The following KIAA0930 variants were observed in gnomAD, a reference collection of about 807,000 sequenced individuals.
KIAA0930 encodes the protein uncharacterized protein KIAA0930.
A neutral mutation model predicts 43.9 loss-of-function variants in KIAA0930; 24 were observed. The observed-to-expected ratio is 0.55, with a 90% CI of 0.40 to 0.77. The LOEUF is 0.77. Ranked by LOEUF, KIAA0930 falls within the 30% of genes least tolerant of loss-of-function variation. The pLI is 0.00. For missense variants in KIAA0930, 461 were observed against 574.2 expected, an observed-to-expected ratio of 0.80 and a Z score of 2.02; for synonymous variants, 259 against 216.4, an observed-to-expected ratio of 1.20 and a Z score of -1.73.
At chr22:45,229,055 A>T (rs1254905388) in intron 1 of KIAA0930, among the ~76,000 whole-genome samples, 1 of 20,474 alleles carries the variant, frequency 4.9e-5, no homozygotes, top group African/African-American at 2.0e-4. Flanking sequence ...CCACCACCAA[A>T]CACTCACCCG....
At chr22:45,205,426 G>C in intron 4 of KIAA0930, 108 bp from the exon 5 acceptor site, 1 of 1,009,380 alleles carries the variant, frequency 9.9e-7, no homozygotes, top group Non-Finnish European at 1.5e-6. Flanking sequence ...CCAGTCCAAA[G>C]CCAGAGACCT....
chr22:45,199,020 G>T (rs2083562202), intron 8 of KIAA0930, among the ~76,000 whole-genome samples: 1 of 152,202 alleles, frequency 6.6e-6, no homozygotes, highest in African/African-American at 2.4e-5. Flanking sequence ...GGGTCCTGAG[G>T]ATGACAGTGA....
chr22:45,207,485 AT>A (rs34108837), intron 2 of KIAA0930: 70,200 of 137,608 alleles, frequency 0.51, 17,746 homozygotes, highest in South Asian at 0.64. Context: ...ACCACACGTA[AT>A]TTTTTTTTTT....
At chr22:45,205,985 AG>A in intron 2 of KIAA0930, 73 bp from the exon 3 acceptor site, 1 of 1,575,856 alleles carries the variant, frequency 6.3e-7, no homozygotes, top group Non-Finnish European at 8.6e-7. Context: ...ACTACTATGC[AG>A]GCATTACGAT....
At chr22:45,209,904 C>T (rs1433222367) in intron 2 of KIAA0930, among the ~76,000 whole-genome samples, 1 of 152,208 alleles carries the variant, frequency 6.6e-6, no homozygotes, top group Non-Finnish European at 1.5e-5. Flanking sequence ...ATCCCCTCTG[C>T]TCCAAATTCC....
At chr22:45,224,780 ATGAG>A (rs2083788557) in intron 1 of KIAA0930, among the ~76,000 whole-genome samples, 1 of 152,156 alleles carries the variant, frequency 6.6e-6, no homozygotes, top group African/African-American at 2.4e-5. Flanking sequence ...TTGGGGGAAG[ATGAG>A]TGAGGCCAGG....
chr22:45,201,560 G>A (rs1333161439), intron 7 of KIAA0930, among the ~76,000 whole-genome samples: 1 of 152,196 alleles, frequency 6.6e-6, no homozygotes, highest in Non-Finnish European at 1.5e-5. Context: ...TTTTGTCAGA[G>A]TCCCAGGGCA....
intron 7 of KIAA0930, among the ~76,000 whole-genome samples, chr22:45,201,183 C>G (rs1344187129): frequency 2.6e-5 from 4 of 152,222 alleles, no homozygotes; most frequent in Non-Finnish European, 5.9e-5. Flanking sequence ...ATAAAAGAAA[C>G]AAACAGCAGC....
chr22:45,197,257 C>G, intron 9 of KIAA0930, 41 bp from the exon 10 acceptor site: 1 of 1,535,886 alleles, frequency 6.5e-7, no homozygotes, highest in Non-Finnish European at 8.8e-7. Context: ...CAGTAACCCT[C>G]AACAGCGGTG....
chr22:45,222,151 CCAAAATA>C (rs1438371914), intron 1 of KIAA0930, among the ~76,000 whole-genome samples: 1 of 151,846 alleles, frequency 6.6e-6, no homozygotes, highest in Non-Finnish European at 1.5e-5. Context: ...CCTGCTCAAG[CCAAAATA>C]AATTCCAAAA....
intron 1 of KIAA0930, among the ~76,000 whole-genome samples, chr22:45,225,757 C>T (rs1174838716): frequency 6.6e-6 from 1 of 152,244 alleles, no homozygotes; most frequent in East Asian, 1.9e-4. Flanking sequence ...CCAGCTGGGG[C>T]CCTGCAAGAC....
chr22:45,233,516 G>A (rs182750887), intron 1 of KIAA0930, among the ~76,000 whole-genome samples: 2 of 152,174 alleles, frequency 1.3e-5, no homozygotes, highest in African/African-American at 2.4e-5. Context: ...CCAGAGGCGG[G>A]CATCACCTGG....
intron 1 of KIAA0930, among the ~76,000 whole-genome samples, chr22:45,223,690 G>A (rs958450458): frequency 2.0e-5 from 3 of 151,564 alleles, no homozygotes; most frequent in Admixed American, 1.3e-4. Flanking sequence ...CCAGCACCCA[G>A]GGTCAGCACT....
intron 1 of KIAA0930, among the ~76,000 whole-genome samples, chr22:45,215,664 G>T (rs2083727389): frequency 6.6e-6 from 1 of 152,178 alleles, no homozygotes; most frequent in Non-Finnish European, 1.5e-5. Context: ...GGGAATACGT[G>T]TAATACGATG....
chr22:45,228,774 TC>T (rs1221394145), intron 1 of KIAA0930, among the ~76,000 whole-genome samples: 58 of 1,522 alleles, frequency 0.038, 1 homozygote, highest in Non-Finnish European at 0.061. Context: ...TCCCTCCCCA[TC>T]CCCCCCAACC....
At chr22:45,199,246 G>A (rs575705425) in intron 8 of KIAA0930, among the ~76,000 whole-genome samples, 67 of 152,336 alleles carry the variant, frequency 4.4e-4, no homozygotes, top group African/African-American at 1.5e-3. Flanking sequence ...CACTGAGCGA[G>A]GACAGGGAGC....
At chr22:45,217,322 C>T (rs1192560593) in intron 1 of KIAA0930, among the ~76,000 whole-genome samples, 1 of 140,142 alleles carries the variant, frequency 7.1e-6, no homozygotes, top group African/African-American at 2.7e-5. Flanking sequence ...AATCACGCCA[C>T]TGCACTCTAG....
intron 1 of KIAA0930, among the ~76,000 whole-genome samples, chr22:45,239,255 G>A (rs1270553575): frequency 3.9e-5 from 6 of 152,218 alleles, no homozygotes; most frequent in Admixed American, 3.3e-4. Flanking sequence ...TCAGATATTC[G>A]GTGCCAGCTG....
At position 45,240,648 on chromosome 22, in the gene KIAA0930, C is replaced by T. The variant is rs1363967415; in HGVS notation, c.56G>A (p.Cys19Tyr). 1 of 1,527,966 alleles carries T rather than the reference C, an allele frequency of 6.5e-7. No individual in the cohort carries two copies. Among genetic ancestry groups the T allele is most frequent in the South Asian group, 1.2e-5 (1 of 83,672 alleles). The allele number at this position is 1,527,966 out of a possible 1,614,324, so 94.7% of individuals were successfully genotyped here. Reference sequence around the variant, plus strand: ...CCCCGGGTCCCACTCACCGAGGCCGCAGACCTCGCGGCGCAGGCTAAGACG... The same window carrying T: ...CCCCGGGTCCCACTCACCGAGGCCGTAGACCTCGCGGCGCAGGCTAAGACG... ...RGRLSLRREV[C>Y]GLGCFKDDRI... Residue 19 changes from cysteine (C) to tyrosine (Y), a missense_variant, in exon 1 of 10, where the codon TGC (cysteine) becomes TAC (tyrosine). Cys to Tyr is a radical substitution (Grantham distance 194). Transcript: ENST00000336156.
Sources: allele counts gnomAD v4.1 joint callset (sites outside exome capture counted in the v4.1 genomes callset), GRCh38; gene constraint gnomAD v4.1.1; transcripts MANE v1.5; gene names NCBI Gene and HGNC (gene_info 2026-07-23, HGNC 2026-07-21).